Variants in ZEB1 observed in about 807,000 individuals in gnomAD.
ZEB1 encodes the protein zinc finger E-box-binding homeobox 1.
A neutral mutation model predicts 84.9 loss-of-function variants in ZEB1; 21 were observed. The ratio of observed to expected loss-of-function variants is 0.25; its 90% CI spans 0.18 to 0.36. The LOEUF is 0.36. ZEB1 is among the 10% of genes least tolerant of loss of function. The pLI is 1.00. For synonymous variants in ZEB1, 420 were observed against 471.1 expected, an observed-to-expected ratio of 0.89 and a Z score of 1.41; for missense variants, 1,104 against 1,330.2, an observed-to-expected ratio of 0.83 and a Z score of 2.65.
chr10:31,326,382 T>C (rs2035498156), intron 1 of ZEB1, among the ~76,000 whole-genome samples: 1 of 152,220 alleles, frequency 6.6e-6, no homozygotes, highest in Non-Finnish European at 1.5e-5. Context: ...ATCACTTTTC[T>C]GAATCTCTTT....
chr10:31,520,632 C>A lies in ZEB1; in HGVS notation c.1300C>A (p.Gln434Lys), dbSNP rs1410880880. Reference sequence around the variant, plus strand: ...AATAAGGCAAGTGTTGGAGAATAATCAAGCCAATCTTGCATCCAAAGAACA... The same window carrying A: ...AATAAGGCAAGTGTTGGAGAATAATAAAGCCAATCTTGCATCCAAAGAACA... ...NVIRQVLENN[Q>K]ANLASKEQET... The change falls in exon 7 of 9, where the codon CAA becomes AAA. Residue 434 changes from glutamine (Q) to lysine (K), a missense_variant. By Grantham distance (53) the Gln-to-Lys change is moderately conservative. Around this residue, in one of 7 missense-constraint regions of ZEB1, gnomAD observed 531 missense variants for 575.2 expected, o/e 0.92. Transcript: ENST00000424869. This position sits in a 1 kb window ranked among gnomAD's most constrained non-coding sequence, Gnocchi z 5.1. 6 of 1,613,930 alleles carry A rather than the reference C, an allele frequency of 3.7e-6. No individual in the cohort carries two copies. The highest frequency in any genetic ancestry group is 5.1e-6 in the Non-Finnish European group (6 of 1,179,960).
chr10:31,330,640 T>C (rs1337627714), intron 1 of ZEB1, among the ~76,000 whole-genome samples: 3 of 152,218 alleles, frequency 2.0e-5, no homozygotes, highest in East Asian at 3.8e-4. Flanking sequence ...CTCCTTGAGA[T>C]AAATGCTTGA....
intron 1 of ZEB1, among the ~76,000 whole-genome samples, chr10:31,333,436 T>C (rs926797926): frequency 1.3e-5 from 2 of 152,128 alleles, no homozygotes; most frequent in Admixed American, 1.3e-4. Flanking sequence ...GTGGTAAATA[T>C]GTTTAGTTTC....
intron 2 of ZEB1, among the ~76,000 whole-genome samples, chr10:31,476,266 G>T (rs2064169707): frequency 6.6e-6 from 1 of 151,984 alleles, no homozygotes; most frequent in African/African-American, 2.4e-5. Flanking sequence ...AATCAGAAAT[G>T]ATAAAGGTGA....
At chr10:31,343,187 T>C (rs1358900527) in intron 1 of ZEB1, among the ~76,000 whole-genome samples, 2 of 152,190 alleles carry the variant, frequency 1.3e-5, no homozygotes, top group East Asian at 3.8e-4. Flanking sequence ...CTTTCTATGT[T>C]ATATTGTGGC....
At chr10:31,363,272 T>C in intron 1 of ZEB1, 2 of 1,533,536 alleles carry the variant, frequency 1.3e-6, no homozygotes, top group Non-Finnish European at 1.7e-6. Context: ...GGGAGCACTG[T>C]TGGAAGTGGG....
chr10:31,439,343 A>C (rs2136449389), intron 1 of ZEB1, among the ~76,000 whole-genome samples: 1 of 152,336 alleles, frequency 6.6e-6, no homozygotes, highest in Admixed American at 6.5e-5. Flanking sequence ...GCACGGTGCC[A>C]AGAAATTGTT....
At chr10:31,425,413 C>G (rs570619127) in intron 1 of ZEB1, among the ~76,000 whole-genome samples, 1 of 152,008 alleles carries the variant, frequency 6.6e-6, no homozygotes, top group Non-Finnish European at 1.5e-5. Flanking sequence ...TTTTCCCTAA[C>G]CAGCCAGGAG....
intron 1 of ZEB1, among the ~76,000 whole-genome samples, chr10:31,450,097 C>G (rs1198630647): frequency 6.6e-6 from 1 of 152,054 alleles, no homozygotes; most frequent in African/African-American, 2.4e-5. Context: ...GATTTAGAAT[C>G]CAAGATACCA....
chr10:31,352,345 T>A (rs1178620214), intron 1 of ZEB1, among the ~76,000 whole-genome samples: 2 of 152,192 alleles, frequency 1.3e-5, no homozygotes, highest in Non-Finnish European at 2.9e-5. Context: ...ATTTCGGTAG[T>A]CACAAAAAAA....
In ZEB1 at chr10:31,475,157, A is replaced by G. The variant is rs973718353; in HGVS notation, c.259+13920A>G. 4.6e-5 allele frequency among the ~76,000 whole-genome samples: 7 copies of G among 152,142 alleles called. No homozygotes were observed. In the East Asian group the frequency reaches 7.7e-4, roughly 17 times the overall value. On this transcript the variant is annotated intron_variant, in intron 2 of 8. Coordinates refer to ENST00000424869, the MANE Select transcript of ZEB1 (RefSeq NM_001174096.2). ...GTGCACCAGCGTGGCACATGTATAC[A>G]TATGTAACTAACCTGCACAATGTGC...
intron 1 of ZEB1, among the ~76,000 whole-genome samples, chr10:31,364,800 A>G (rs2044143475): frequency 6.6e-6 from 1 of 152,226 alleles, no homozygotes. Context: ...TGTGTGCCTC[A>G]TGATCATGGA....
chr10:31,485,815 G>A (rs2065672335), intron 2 of ZEB1, among the ~76,000 whole-genome samples: 1 of 151,490 alleles, frequency 6.6e-6, no homozygotes, highest in Admixed American at 6.6e-5. Context: ...GTGTATTCAT[G>A]TAGCAACCAT....
chr10:31,458,660 A>G (rs549264066), intron 1 of ZEB1, among the ~76,000 whole-genome samples: 67 of 152,250 alleles, frequency 4.4e-4, no homozygotes, highest in South Asian at 2.1e-4. Context: ...GTTTAACAGT[A>G]TCTACTTCAT....
intron 6 of ZEB1, among the ~76,000 whole-genome samples, chr10:31,517,500 T>TAA (rs56957641): frequency 2.8e-5 from 4 of 140,862 alleles, no homozygotes; most frequent in Non-Finnish European, 3.1e-5. Flanking sequence ...CCTTAGCCAT[T>TAA]AAAAAAAAAA....
At chr10:31,513,651 G>T (rs965456729) in intron 5 of ZEB1, among the ~76,000 whole-genome samples, 2 of 151,988 alleles carry the variant, frequency 1.3e-5, no homozygotes, top group African/African-American at 2.4e-5. Flanking sequence ...AGCAGTAGTT[G>T]AGTTAAGCCG....
At chr10:31,457,517 T>G (rs78368498) in intron 1 of ZEB1, among the ~76,000 whole-genome samples, 3,691 of 152,268 alleles carry the variant, frequency 0.024, 138 homozygotes, top group African/African-American at 0.083. Context: ...CATTGATTTT[T>G]TGGATTTTTC....
At chr10:31,319,363 G>T (rs2033040091) in intron 1 of ZEB1, 71 bp downstream of exon 1, 3 of 1,501,660 alleles carry the variant, frequency 2.0e-6, no homozygotes, top group Non-Finnish European at 2.7e-6. Context: ...CCCCGGGGGT[G>T]AGGGGGGCGA....
chr10:31,439,000 C>T (rs2058593751), intron 1 of ZEB1, among the ~76,000 whole-genome samples: 1 of 152,088 alleles, frequency 6.6e-6, no homozygotes, highest in Non-Finnish European at 1.5e-5. Flanking sequence ...TTTCTTTGCA[C>T]ATTTAAAATA....
Sources: gnomAD v4.1 joint callset for allele counts (sites outside exome capture counted in the v4.1 genomes callset) on GRCh38, gnomAD v4.1.1 for gene constraint, gnomAD v4.1.1 regional missense constraint, Gnocchi (gnomAD v3.1) non-coding constraint, MANE v1.5 for transcripts, NCBI Gene and HGNC (gene_info 2026-07-23, HGNC 2026-07-21) for gene names.